The following SEPTIN9 variants were observed in gnomAD, a reference collection of about 807,000 sequenced individuals.
SEPTIN9 encodes the protein septin 9.
SEPTIN9 carries 13 observed loss-of-function variants against 56.6 expected under a neutral mutation model. The observed-to-expected ratio is 0.23, with a 90% confidence interval of 0.15 to 0.37. The LOEUF is 0.37. Among genes scored for constraint, SEPTIN9 ranks in the 10% least tolerant of loss-of-function variants. SEPTIN9 has a pLI of 1.00. For synonymous variants in SEPTIN9, 332 were observed against 334.1 expected (o/e 0.99, Z 0.07); for missense variants, 650 against 823.1 (o/e 0.79, Z 2.57).
intron 3 of SEPTIN9, chr17:77,446,275 T>C (rs2037737054): frequency 6.0e-6 from 1 of 167,052 alleles, no homozygotes; most frequent in Non-Finnish European, 1.5e-5. Context: ...CTGCTGGAGT[T>C]CCTTGGCTTG....
chr17:77,421,721 C>T lies in SEPTIN9; in HGVS notation c.721+19018C>T, dbSNP rs1028620500. On this transcript the variant is annotated intron_variant, in intron 3 of 11. Transcript: ENST00000427177. This position sits in a 1 kb window ranked among gnomAD's most constrained non-coding sequence, Gnocchi z 4.6. ...CTCTGCCTCGGCCGACGTCTTTCCCCAGGCACTTCCTCTCACCGTGCCAGG... is the reference window on the plus strand; with the variant it reads ...CTCTGCCTCGGCCGACGTCTTTCCCTAGGCACTTCCTCTCACCGTGCCAGG... Among the ~76,000 whole-genome samples, 1 of 152,182 alleles carries T rather than the reference C, an allele frequency of 6.6e-6. No homozygotes were observed. Among genetic ancestry groups the T allele is most frequent in the Non-Finnish European group, 1.5e-5 (1 of 68,036 alleles).
In SEPTIN9 at chr17:77,425,257, G is replaced by A. The variant is rs1273932771; in HGVS notation, c.721+22554G>A. Reference sequence around the variant, plus strand: ...GAGGAGGGCCTCCCAGGAAAACCCAGCTGCACAGGAAGCCGGGCCAGCGGC... The same window carrying A: ...GAGGAGGGCCTCCCAGGAAAACCCAACTGCACAGGAAGCCGGGCCAGCGGC... On this transcript the variant is annotated intron_variant, in intron 3 of 11. Transcript: ENST00000427177. This position sits in a 1 kb window ranked among gnomAD's most constrained non-coding sequence, Gnocchi z 4.2. Among the ~76,000 whole-genome samples, 1 of 152,222 alleles carries A rather than the reference G, an allele frequency of 6.6e-6. No individual in the cohort carries two copies. The highest frequency in any genetic ancestry group is 2.4e-5 in the African/African-American group (1 of 41,462).
intron 3 of SEPTIN9, among the ~76,000 whole-genome samples, chr17:77,414,572 C>CTTTTTTTT (rs559525322): frequency 8.1e-6 from 1 of 123,834 alleles, no homozygotes; most frequent in East Asian, 2.7e-4. Context: ...TGTGTGGATT[C>CTTTTTTTT]TTTTTTTTTT....
At position 77,386,866 on chromosome 17, in the gene SEPTIN9, G is replaced by C. The variant is rs78655390; in HGVS notation, c.77-15193G>C. ...CCTGCCCTGCCCACAAGAGGGGTCA[G>C]TTCTCTCCAGGATTTAACTTCAGCC... On this transcript the variant is annotated intron_variant, in intron 2 of 11. Transcript: ENST00000427177. Among the ~76,000 whole-genome samples, 1,816 of 152,348 alleles carry C rather than the reference G, an allele frequency of 0.012. 102 individuals are homozygous for C. In the East Asian group the frequency reaches 0.17, roughly 14 times the overall value.
intron 1 of SEPTIN9, among the ~76,000 whole-genome samples, chr17:77,287,225 A>G (rs573736329): frequency 6.6e-6 from 1 of 152,220 alleles, no homozygotes; most frequent in Admixed American, 6.5e-5. Flanking sequence ...GATGCCAGGC[A>G]TGGGGATCGT....
chr17:77,486,959 C>T (rs556254717), intron 4 of SEPTIN9, among the ~76,000 whole-genome samples: 22 of 152,298 alleles, frequency 1.4e-4, no homozygotes, highest in African/African-American at 4.1e-4. Context: ...AGGCCCTGGC[C>T]GGTCAGGGAG....
chr17:77,454,272 G>A, intron 3 of SEPTIN9: 2 of 985,590 alleles, frequency 2.0e-6, no homozygotes, highest in Non-Finnish European at 2.4e-6. Flanking sequence ...TGAGGGACTT[G>A]TGGCCCTTGG....
At position 77,436,679 on chromosome 17, in the gene SEPTIN9, T is replaced by A. The variant is rs903970586; in HGVS notation, c.721+33976T>A. ...ACCTACACCTCCTGTTTTGCTGCAC[T>A]AGCCTCGTGGTAGGGGCTGCGGCGG... On this transcript the variant is annotated intron_variant, in intron 3 of 11. Transcript: ENST00000427177. The surrounding 1 kb of genome is among the most constrained non-coding windows in gnomAD (Gnocchi z 4.4). Among the ~76,000 whole-genome samples the A allele has an allele frequency of 2.6e-5, 4 of 152,232 alleles. No individual in the cohort carries two copies. The highest frequency in any genetic ancestry group is 9.6e-5 in the African/African-American group (4 of 41,468).
chr17:77,399,866 C>T (rs2035845381), intron 2 of SEPTIN9, among the ~76,000 whole-genome samples: 1 of 152,218 alleles, frequency 6.6e-6, no homozygotes, highest in Non-Finnish European at 1.5e-5. Context: ...GACTCTGGGG[C>T]TCAGTGTCCT....
In SEPTIN9 at chr17:77,348,740, G is replaced by A. The variant is rs139379491; in HGVS notation, c.76+41543G>A. 3.3e-3 allele frequency among the ~76,000 whole-genome samples: 499 copies of A among 152,262 alleles called. 4 individuals are homozygous for A. Among genetic ancestry groups the A allele is most frequent in the African/African-American group, 0.011 (471 of 41,542 alleles). On this transcript the variant is annotated intron_variant, in intron 2 of 11. Coordinates refer to ENST00000427177, the MANE Select transcript of SEPTIN9 (RefSeq NM_001113491.2). ...CATGGAAAAAAAGTGTAAGAACTAG[G>A]CAATCCTATGGGTTCATTTACCACT...
chr17:77,484,723 GGTGATTGTGATGGTGGTGGTGGTGGTT>G, intron 4 of SEPTIN9, among the ~76,000 whole-genome samples: 4 of 106,828 alleles, frequency 3.7e-5, no homozygotes, highest in South Asian at 2.9e-4. Flanking sequence ...GGGTGGTGGT[GGTGATTGTGATGGTGGTGGTGGTGGTT>G]GTGATGGTGG....
chr17:77,319,442 A>C lies in SEPTIN9; in HGVS notation c.76+12245A>C. The C allele has an allele frequency of 1.7e-6, 1 of 603,364 alleles. No homozygotes were observed. Among genetic ancestry groups the C allele is most frequent in the Non-Finnish European group, 2.1e-6 (1 of 469,626 alleles). The allele number at this position is 603,364 out of a possible 1,614,324, so 37.4% of individuals were successfully genotyped here. A position where few individuals can be genotyped will look rare whatever the true frequency, so the allele number is the denominator to read the frequency against. ...GGGACGGCTAGAGACTCACTGACTC[A>C]TGCGTGTGTGGTAGGAATCTTCCAG... On this transcript the variant is annotated intron_variant, in intron 2 of 11. Coordinates refer to ENST00000427177, the MANE Select transcript of SEPTIN9 (RefSeq NM_001113491.2). This position sits in a 1 kb window ranked among gnomAD's most constrained non-coding sequence, Gnocchi z 5.3.
chr17:77,450,609 CCCT>C lies in SEPTIN9; in HGVS notation c.722-31530_722-31528del. On this transcript the variant is annotated intron_variant, in intron 3 of 11. Coordinates refer to ENST00000427177, the MANE Select transcript of SEPTIN9 (RefSeq NM_001113491.2). The surrounding 1 kb of genome is among the most constrained non-coding windows in gnomAD (Gnocchi z 6.0). The stretch of plus-strand genomic sequence containing the variant: ...AGGCCCAGCCCCTATAGTGTCAGCT[CCCT>C]CCTCTGGGGACCCCCTTGCTTGTGC... 1.0e-6 allele frequency: 1 copy of C among 985,752 alleles called. No individual in the cohort carries two copies. The highest frequency in any genetic ancestry group is 1.1e-4 in the East Asian group (1 of 8,820). The allele number at this position is 985,752 out of a possible 1,614,324, so 61.1% of individuals were successfully genotyped here.
At chr17:77,496,189 T>C (rs2040250811) in intron 10 of SEPTIN9, 1 of 151,922 alleles carries the variant, frequency 6.6e-6, no homozygotes, top group South Asian at 2.1e-4. Flanking sequence ...GTACCAGGCC[T>C]GGCTAATTTT....
intron 3 of SEPTIN9, among the ~76,000 whole-genome samples, chr17:77,403,207 G>A (rs372016585): frequency 3.3e-5 from 5 of 152,280 alleles, no homozygotes; most frequent in East Asian, 3.9e-4. Context: ...GAGGAGGGAC[G>A]TATGCCTCCT....
chr17:77,306,620 G>T (rs994306294), intron 1 of SEPTIN9, among the ~76,000 whole-genome samples: 1 of 152,238 alleles, frequency 6.6e-6, no homozygotes, highest in Non-Finnish European at 1.5e-5. Flanking sequence ...CCCAAATCCA[G>T]CCCGGCTGCA....
intron 3 of SEPTIN9, among the ~76,000 whole-genome samples, chr17:77,479,866 G>T (rs542858791): frequency 6.6e-6 from 1 of 152,212 alleles, no homozygotes; most frequent in African/African-American, 2.4e-5. Flanking sequence ...TTTCGGTCAC[G>T]TGGGTGGGGA....
At chr17:77,438,372 C>T (rs1016406946) in intron 3 of SEPTIN9, among the ~76,000 whole-genome samples, 2 of 152,202 alleles carry the variant, frequency 1.3e-5, no homozygotes, top group African/African-American at 4.8e-5. Context: ...CCCTCCAGGA[C>T]CTATGTCTTG....
Position 77,336,717 on chromosome 17 carries a change from T to C in SEPTIN9, c.76+29520T>C, listed in dbSNP as rs1420610841. Among the ~76,000 whole-genome samples the C allele has an allele frequency of 2.6e-5, 4 of 152,290 alleles. No homozygotes were observed. In the East Asian group the frequency reaches 7.7e-4, roughly 29 times the overall value. ...CTGATCTTGATGCCTTGTTTTTTTT[T>C]CTTGCTTTATTGCACTGGTTAGAGC... On this transcript the variant is annotated intron_variant, in intron 2 of 11. Transcript: ENST00000427177.
Sources: gnomAD v4.1 joint callset for allele counts (sites outside exome capture counted in the v4.1 genomes callset) on GRCh38, gnomAD v4.1.1 for gene constraint, Gnocchi (gnomAD v3.1) non-coding constraint, MANE v1.5 for transcripts, NCBI Gene and HGNC (gene_info 2026-07-23, HGNC 2026-07-21) for gene names.